Variants in CD247 observed in about 807,000 individuals in gnomAD.
CD247 encodes CD247 molecule.
In CD247, 13 loss-of-function variants were observed where a neutral mutation model predicts 30.0. The ratio of observed to expected loss-of-function variants is 0.43; its 90% CI spans 0.28 to 0.69. The LOEUF is 0.69. Ranked by LOEUF, CD247 falls within the 30% of genes least tolerant of loss-of-function variation. The pLI is 0.16. For synonymous variants in CD247, 72 were observed against 80.0 expected (o/e 0.90, Z 0.53); for missense variants, 193 against 212.6 (o/e 0.91, Z 0.57).
chr1:167,496,529 G>A (rs1654697948), intron 1 of CD247, among the ~76,000 whole-genome samples: 1 of 152,144 alleles, frequency 6.6e-6, no homozygotes, highest in Admixed American at 6.5e-5. Context: ...CATCTCTCTG[G>A]CCTTGAAGAT....
intron 1 of CD247, among the ~76,000 whole-genome samples, chr1:167,446,904 A>G (rs969576503): frequency 2.6e-5 from 4 of 152,198 alleles, no homozygotes; most frequent in Non-Finnish European, 5.9e-5. Flanking sequence ...CTGAGGCAGG[A>G]GAATGGTGTG....
At chr1:167,447,806 C>T (rs1056959145) in intron 1 of CD247, among the ~76,000 whole-genome samples, 10 of 152,170 alleles carry the variant, frequency 6.6e-5, no homozygotes, top group Non-Finnish European at 1.0e-4. Context: ...GCTTTCTACT[C>T]GCCAACCTTC....
At position 167,493,286 on chromosome 1, in the gene CD247, G is replaced by A. The variant is rs571760189; in HGVS notation, c.58+25122C>T. 5.9e-5 allele frequency among the ~76,000 whole-genome samples: 9 copies of A among 151,994 alleles called. No individual in the cohort carries two copies. The South Asian group carries it at 6.2e-4, about 11-fold the overall frequency. ...TCGAACTCCTGACTTCAGGCAATCC[G>A]CCAGCCTCGGCCTCCCAAAGTGCTA... On this transcript the variant is annotated intron_variant, in intron 1 of 7. Transcript: ENST00000362089.
At chr1:167,437,299 G>GGAGGCT (rs1651592917) in intron 4 of CD247, among the ~76,000 whole-genome samples, 1 of 152,066 alleles carries the variant, frequency 6.6e-6, no homozygotes, top group Admixed American at 6.5e-5. Flanking sequence ...CAGCTACTCG[G>GGAGGCT]GAGGCTGAGG....
chr1:167,516,809 C>A (rs2102128600), intron 1 of CD247, among the ~76,000 whole-genome samples: 1 of 152,316 alleles, frequency 6.6e-6, no homozygotes, highest in East Asian at 1.9e-4. Context: ...CGGCCCCCAT[C>A]TTGTCTGCTG....
rs778411534 is a variant in CD247, at chr1:167,438,564, C to T, written c.300+6G>A. 1.2e-6 allele frequency: 2 copies of T among 1,610,426 alleles called. No homozygotes were observed. Among genetic ancestry groups the T allele is most frequent in the Non-Finnish European group, 1.7e-6 (2 of 1,176,596 alleles). On this transcript the variant is annotated splice_donor_region_variant and intron_variant, in intron 4 of 7. Transcript: ENST00000362089. ...GGAACACACAGGAAGGTAGAGGAAC[C>T]CCTACCGGCTTTCCCCCCATCTCAG...
chr1:167,488,542 G>A (rs1224862390), intron 1 of CD247, among the ~76,000 whole-genome samples: 2 of 152,174 alleles, frequency 1.3e-5, no homozygotes, highest in Non-Finnish European at 2.9e-5. Context: ...ACCTCACCTG[G>A]GGGATGGAGT....
intron 1 of CD247, among the ~76,000 whole-genome samples, chr1:167,485,084 G>A (rs767367224): frequency 1.3e-5 from 2 of 152,214 alleles, no homozygotes; most frequent in Non-Finnish European, 2.9e-5. Flanking sequence ...CCCCTTGTGA[G>A]GGACAACCAG....
In CD247 at chr1:167,441,535, T is replaced by C. The variant is rs144480944; in HGVS notation, c.59-768A>G. ...CAGGACACGCCTTGCTCTTCCAGAC[T>C]ATTTGCCCTGTGCCTTGCACTCTCT... is the stretch of plus-strand genomic sequence containing the variant. On this transcript the variant is annotated intron_variant, in intron 1 of 7. Coordinates refer to ENST00000362089, the MANE Select transcript of CD247 (RefSeq NM_198053.3). Among the ~76,000 whole-genome samples, 889 of 152,314 alleles carry C rather than the reference T, an allele frequency of 5.8e-3. 4 individuals carry two copies. Among genetic ancestry groups the C allele is most frequent in the South Asian group, 0.012 (59 of 4,826 alleles).
intron 1 of CD247, among the ~76,000 whole-genome samples, chr1:167,455,606 C>A (rs747671117): frequency 1.3e-5 from 2 of 152,216 alleles, no homozygotes; most frequent in Admixed American, 6.5e-5. Flanking sequence ...CTGTCGAGCG[C>A]TGCCATCCAG....
At position 167,449,149 on chromosome 1, in the gene CD247, C is replaced by CTTTTT. The variant is rs71097676; in HGVS notation, c.59-8387_59-8383dup. On this transcript the variant is annotated intron_variant, in intron 1 of 7. Coordinates refer to ENST00000362089, the MANE Select transcript of CD247 (RefSeq NM_198053.3). ...GATACTTTGTGATCATTTTTCTTTT[C>CTTTTT]TTTTTTTTTTTTTTTTTTTTTGAGA... is the stretch of plus-strand genomic sequence containing the variant. Among the ~76,000 whole-genome samples, 47 of 66,414 alleles carry CTTTTT rather than the reference C, an allele frequency of 7.1e-4. 1 individual carries two copies. The highest frequency in any genetic ancestry group is 1.3e-3 in the African/African-American group (17 of 13,344). The allele number at this position is 66,414 out of a possible 152,430, so 43.6% of individuals were successfully genotyped here.
chr1:167,518,489 G>A lies in CD247; in HGVS notation c.-24C>T. On this transcript the variant is annotated 5_prime_UTR_variant, in exon 1 of 8. Coordinates refer to ENST00000362089, the MANE Select transcript of CD247 (RefSeq NM_198053.3). Reference sequence around the variant, plus strand: ...ATCTTGTCCTTTCCCTCAGAAAGAGGCTGGGAGGCAGAGGCTGAGGCAGCG... The same window carrying A: ...ATCTTGTCCTTTCCCTCAGAAAGAGACTGGGAGGCAGAGGCTGAGGCAGCG... The A allele has an allele frequency of 1.2e-6, 2 of 1,611,906 alleles. No homozygotes were observed. The highest frequency in any genetic ancestry group is 1.7e-6 in the Non-Finnish European group (2 of 1,178,454).
intron 1 of CD247, among the ~76,000 whole-genome samples, chr1:167,501,807 G>A (rs1232066229): frequency 6.6e-6 from 1 of 152,334 alleles, no homozygotes; most frequent in East Asian, 1.9e-4. Context: ...CCTCTTCTCA[G>A]GGTCCGTATG....
chr1:167,465,484 T>C (rs2949668), intron 1 of CD247, among the ~76,000 whole-genome samples: 68,000 of 151,770 alleles, frequency 0.45, 15,329 homozygotes, highest in Middle Eastern at 0.55. Context: ...CCCGGCATCA[T>C]GCCTGGCTAA....
intron 1 of CD247, among the ~76,000 whole-genome samples, chr1:167,469,099 C>T (rs1653393225): frequency 6.6e-6 from 1 of 152,222 alleles, no homozygotes; most frequent in South Asian, 2.1e-4. Flanking sequence ...TCTCATGCCT[C>T]AGCCACCCGA....
At chr1:167,477,138 C>T (rs993461435) in intron 1 of CD247, among the ~76,000 whole-genome samples, 4 of 152,182 alleles carry the variant, frequency 2.6e-5, no homozygotes, top group Admixed American at 2.0e-4. Flanking sequence ...GGATATTACT[C>T]TGAGAGGGGT....
At chr1:167,431,848 A>T in intron 7 of CD247, 102 bp from the exon 8 acceptor site, 1 of 982,040 alleles carries the variant, frequency 1.0e-6, no homozygotes, top group Non-Finnish European at 1.7e-6. Flanking sequence ...CAGCCCTGTG[A>T]CCACCCACCC....
chr1:167,440,885 C>A, intron 1 of CD247, 118 bp from the exon 2 acceptor site: 1 of 714,050 alleles, frequency 1.4e-6, no homozygotes, highest in Non-Finnish European at 2.5e-6. Context: ...AGACTATATC[C>A]AATCCCCATG....
intron 1 of CD247, among the ~76,000 whole-genome samples, chr1:167,461,696 A>C (rs1256263517): frequency 4.6e-5 from 7 of 152,052 alleles, no homozygotes; most frequent in Admixed American, 3.9e-4. Flanking sequence ...AGAAATACAA[A>C]AATTAGCCGG....
Sources: gnomAD v4.1 joint callset for allele counts (sites outside exome capture counted in the v4.1 genomes callset) on GRCh38, gnomAD v4.1.1 for gene constraint, MANE v1.5 for transcripts, NCBI Gene and HGNC (gene_info 2026-07-23, HGNC 2026-07-21) for gene names.